EXOC4: variants seen among roughly 807,000 people sequenced by gnomAD.
The protein encoded by EXOC4 is exocyst complex component 4.
A neutral mutation model predicts 107.2 loss-of-function variants in EXOC4; 71 were observed. The observed-to-expected ratio is 0.66, with a 90% CI of 0.55 to 0.81. The LOEUF is 0.81. EXOC4 is among the 30% of genes least tolerant of loss of function. The pLI is 0.00. For synonymous variants in EXOC4, 456 were observed against 441.2 expected (o/e 1.03, Z -0.42); for missense variants, 1,108 against 1,189.6 (o/e 0.93, Z 1.01).
At chr7:133,799,606 A>G (rs566270783) in intron 10 of EXOC4, among the ~76,000 whole-genome samples, 1 of 152,362 alleles carries the variant, frequency 6.6e-6, no homozygotes, top group Non-Finnish European at 1.5e-5. Flanking sequence ...GCCATTATGC[A>G]GAGATATGGG....
intron 7 of EXOC4, among the ~76,000 whole-genome samples, chr7:133,402,370 A>G (rs1797109945): frequency 6.6e-6 from 1 of 152,258 alleles, no homozygotes; most frequent in African/African-American, 2.4e-5. Flanking sequence ...AGTTGTGGAC[A>G]AGTCTCCTAA....
rs577241477 is a variant in EXOC4 at position 133,902,099 on chromosome 7, T to C, written c.1871+6364T>C. On this transcript the variant is annotated intron_variant, in intron 12 of 17. Transcript: ENST00000253861. ...CCACTTTCTAATTATTCATGAACTA[T>C]GTTTTAATTATCTGTTCAGAATTTT... Among the ~76,000 whole-genome samples, 8 of 152,376 alleles carry C rather than the reference T, an allele frequency of 5.3e-5. No homozygotes were observed. The East Asian group carries it at 1.5e-3, about 29-fold the overall frequency.
chr7:133,647,391 A>G (rs927988278), intron 10 of EXOC4, among the ~76,000 whole-genome samples: 1 of 152,144 alleles, frequency 6.6e-6, no homozygotes, highest in Non-Finnish European at 1.5e-5. Context: ...GAGCTCAGCT[A>G]TGTTATCAAC....
At chr7:134,076,707 A>G in the EXOC4 span, among the ~76,000 whole-genome samples, 114 of 144,108 alleles carry the variant, frequency 7.9e-4, no homozygotes, top group African/African-American at 2.7e-3. Flanking sequence ...CTATAATTGT[A>G]TATATATATA....
chr7:133,944,255 T>TA (rs1353195770), intron 14 of EXOC4, among the ~76,000 whole-genome samples: 19 of 152,312 alleles, frequency 1.2e-4, no homozygotes, highest in African/African-American at 4.3e-4. Context: ...ATATCACAGT[T>TA]ATCACATATA....
downstream of EXOC4, among the ~76,000 whole-genome samples, chr7:134,067,304 A>C (rs1206837932): frequency 6.6e-6 from 1 of 152,112 alleles, no homozygotes; most frequent in African/African-American, 2.4e-5. Context: ...TGTGCCATGG[A>C]GTAGGCCCAC....
chr7:134,089,844 T>C, the EXOC4 span, among the ~76,000 whole-genome samples: 1 of 152,176 alleles, frequency 6.6e-6, no homozygotes, highest in Non-Finnish European at 1.5e-5. Context: ...GTATGGCTAA[T>C]TCCACATGTC....
At chr7:133,990,621 A>T (rs1360290188) in intron 14 of EXOC4, among the ~76,000 whole-genome samples, 1 of 151,802 alleles carries the variant, frequency 6.6e-6, no homozygotes, top group Non-Finnish European at 1.5e-5. Flanking sequence ...ATGCCCAGCT[A>T]ATTTTTGTAT....
chr7:133,403,554 A>C (rs1797142240), intron 7 of EXOC4, among the ~76,000 whole-genome samples: 1 of 152,216 alleles, frequency 6.6e-6, no homozygotes. Flanking sequence ...CTGTTTGCTT[A>C]ACTCAGTTTT....
intron 9 of EXOC4, among the ~76,000 whole-genome samples, chr7:133,604,178 T>G (rs554171949): frequency 6.6e-6 from 1 of 152,218 alleles, no homozygotes; most frequent in Admixed American, 6.5e-5. Flanking sequence ...TCAGCTCTTA[T>G]GATAACAGTG....
At chr7:134,008,194 T>G (rs1794688004) in intron 17 of EXOC4, among the ~76,000 whole-genome samples, 3 of 152,198 alleles carry the variant, frequency 2.0e-5, no homozygotes, top group African/African-American at 7.2e-5. Context: ...TTGGTATATT[T>G]TCTCCTGGCT....
intron 11 of EXOC4, among the ~76,000 whole-genome samples, chr7:133,850,466 T>C (rs1798217795): frequency 6.6e-6 from 1 of 152,230 alleles, no homozygotes; most frequent in Non-Finnish European, 1.5e-5. Flanking sequence ...TGGTAGCACA[T>C]CACCAAACAG....
At chr7:133,664,630 C>G (rs1793772251) in intron 10 of EXOC4, among the ~76,000 whole-genome samples, 1 of 152,140 alleles carries the variant, frequency 6.6e-6, no homozygotes, top group African/African-American at 2.4e-5. Flanking sequence ...CTTCAAAATG[C>G]TAACCCATAA....
chr7:133,958,699 CT>C (rs934475693), intron 14 of EXOC4, among the ~76,000 whole-genome samples: 1 of 152,162 alleles, frequency 6.6e-6, no homozygotes, highest in African/African-American at 2.4e-5. Context: ...AACAGGAGGA[CT>C]TGTTAAAAGT....
intron 13 of EXOC4, among the ~76,000 whole-genome samples, chr7:133,919,426 A>G (rs1799887809): frequency 6.6e-6 from 1 of 152,194 alleles, no homozygotes; most frequent in Non-Finnish European, 1.5e-5. Context: ...TTCATATTCT[A>G]AATATATCGG....
intron 17 of EXOC4, among the ~76,000 whole-genome samples, chr7:134,062,968 A>G (rs993521512): frequency 1.3e-5 from 2 of 152,242 alleles, no homozygotes; most frequent in Non-Finnish European, 2.9e-5. Flanking sequence ...TCTTTCTGCT[A>G]GAATTGTAAC....
intron 4 of EXOC4, among the ~76,000 whole-genome samples, chr7:133,309,392 G>C (rs1794820449): frequency 6.6e-6 from 1 of 152,140 alleles, no homozygotes; most frequent in Admixed American, 6.5e-5. Context: ...CAGCCAAGGG[G>C]ACATTGATAT....
chr7:133,669,840 A>C (rs540320962), intron 10 of EXOC4, among the ~76,000 whole-genome samples: 16 of 152,312 alleles, frequency 1.1e-4, no homozygotes, highest in Non-Finnish European at 1.9e-4. Flanking sequence ...AACACTTACA[A>C]GGACTCTAAG....
chr7:133,397,157 T>C (rs1406760427), intron 7 of EXOC4, among the ~76,000 whole-genome samples: 1 of 150,514 alleles, frequency 6.6e-6, no homozygotes, highest in Non-Finnish European at 1.5e-5. Context: ...AGACGGAATT[T>C]CGCTCTTGTT....
Sources: gnomAD v4.1 joint callset for allele counts (sites outside exome capture counted in the v4.1 genomes callset) on GRCh38, gnomAD v4.1.1 for gene constraint, MANE v1.5 for transcripts, NCBI Gene and HGNC (gene_info 2026-07-23, HGNC 2026-07-21) for gene names.